Variants in CTNNA3 observed in about 807,000 individuals in gnomAD.
CTNNA3 encodes the protein catenin alpha 3, also known as catenin alpha-3.
A neutral mutation model predicts 95.7 loss-of-function variants in CTNNA3; 76 were observed. The observed-to-expected ratio is 0.79, with a 90% CI of 0.66 to 0.96. The LOEUF is 0.96. Among genes scored for constraint, CTNNA3 ranks in the 40% least tolerant of loss-of-function variants. The pLI is 0.00. For synonymous variants in CTNNA3, 431 were observed against 374.4 expected, an observed-to-expected ratio of 1.15 and a Z score of -1.74; for missense variants, 1,191 against 1,089.8, an observed-to-expected ratio of 1.09 and a Z score of -1.31.
chr10:65,971,379 G>GC (rs565520287), intron 16 of CTNNA3, among the ~76,000 whole-genome samples: 3 of 140,090 alleles, frequency 2.1e-5, no homozygotes, highest in African/African-American at 7.9e-5. Flanking sequence ...CCAAAGTTGT[G>GC]TTTTTTTTTT....
In CTNNA3 at chr10:66,448,733, C is replaced by T. The variant is rs989911821; in HGVS notation, c.1532-69381G>A. 9.2e-5 allele frequency among the ~76,000 whole-genome samples: 14 copies of T among 151,878 alleles called. No homozygotes were observed. In the East Asian group the frequency reaches 1.4e-3, roughly 15 times the overall value. ...AGGAGATATATCTGATGTTAAATGA[C>T]GAGTTAATGGGTGCAGCACACCAAC... On this transcript the variant is annotated intron_variant, in intron 11 of 17. Transcript: ENST00000433211.
intron 10 of CTNNA3, among the ~76,000 whole-genome samples, chr10:66,558,126 T>C (rs1842447147): frequency 6.6e-6 from 1 of 152,200 alleles, no homozygotes; most frequent in South Asian, 2.1e-4. Flanking sequence ...AACTGGGATA[T>C]GGATAAGCAC....
chr10:66,446,094 G>T (rs930320694), intron 11 of CTNNA3, among the ~76,000 whole-genome samples: 8 of 152,136 alleles, frequency 5.3e-5, no homozygotes, highest in African/African-American at 1.9e-4. Context: ...TAAATTCCTT[G>T]ACACATACAC....
chr10:67,593,521 T>A (rs1320510156), intron 3 of CTNNA3, among the ~76,000 whole-genome samples: 2 of 152,168 alleles, frequency 1.3e-5, no homozygotes, highest in African/African-American at 4.8e-5. Flanking sequence ...TTTGTGGCTA[T>A]TGTGAATGGA....
intron 7 of CTNNA3, among the ~76,000 whole-genome samples, chr10:66,831,118 T>G (rs1429708938): frequency 6.6e-6 from 1 of 152,190 alleles, no homozygotes. Flanking sequence ...CTCTTTCACC[T>G]GGACTACTAC....
chr10:67,097,886 C>T, intron 7 of CTNNA3: 2 of 1,097,020 alleles, frequency 1.8e-6, no homozygotes, highest in Non-Finnish European at 1.3e-6. Context: ...ACTCTAAAAA[C>T]AAAACAAAAC....
chr10:67,684,492 A>G (rs1297598603), intron 1 of CTNNA3, among the ~76,000 whole-genome samples: 1 of 152,170 alleles, frequency 6.6e-6, no homozygotes, highest in Non-Finnish European at 1.5e-5. Context: ...CCCAACCCAG[A>G]AGCCCAGCCG....
At chr10:66,234,829 G>GT (rs534712688) in intron 13 of CTNNA3, among the ~76,000 whole-genome samples, 183 of 152,230 alleles carry the variant, frequency 1.2e-3, no homozygotes, top group African/African-American at 4.1e-3. Context: ...AAAGTGAGAG[G>GT]TATTTCCGAG....
At chr10:66,860,898 G>A (rs1843894546) in intron 7 of CTNNA3, among the ~76,000 whole-genome samples, 1 of 152,112 alleles carries the variant, frequency 6.6e-6, no homozygotes, top group African/African-American at 2.4e-5. Flanking sequence ...ATTCAAGCTG[G>A]ATAAATGGCC....
intron 15 of CTNNA3, among the ~76,000 whole-genome samples, chr10:66,024,312 AT>A (rs1052919370): frequency 3.9e-5 from 6 of 151,948 alleles, no homozygotes; most frequent in African/African-American, 1.5e-4. Flanking sequence ...GATGGTCTCG[AT>A]CTCCTGACCT....
intron 5 of CTNNA3, among the ~76,000 whole-genome samples, chr10:67,270,086 T>C (rs1378577864): frequency 3.0e-5 from 4 of 135,488 alleles, no homozygotes; most frequent in African/African-American, 8.4e-5. Flanking sequence ...ACAAAATCCA[T>C]ACAAAGGAAG....
chr10:67,753,078 A>G (rs1296107082), intron 1 of CTNNA3, among the ~76,000 whole-genome samples: 1 of 152,198 alleles, frequency 6.6e-6, no homozygotes, highest in Admixed American at 6.5e-5. Context: ...ACTATACTGC[A>G]AGGCAATAGT....
intron 16 of CTNNA3, among the ~76,000 whole-genome samples, chr10:65,984,474 A>C (rs543778484): frequency 2.6e-5 from 4 of 151,468 alleles, no homozygotes; most frequent in African/African-American, 9.6e-5. Flanking sequence ...GGAAAAGGCC[A>C]AAAAGAGTCA....
At chr10:66,420,502 A>G (rs538796981) in intron 11 of CTNNA3, among the ~76,000 whole-genome samples, 1 of 151,640 alleles carries the variant, frequency 6.6e-6, no homozygotes, top group Non-Finnish European at 1.5e-5. Context: ...TACAACCACT[A>G]TTAAAAACAA....
rs545048380 is a variant in CTNNA3 at position 66,297,518 on chromosome 10, T to G, written c.1733-16897A>C. On this transcript the variant is annotated intron_variant, in intron 12 of 17. Coordinates refer to ENST00000433211, the MANE Select transcript of CTNNA3 (RefSeq NM_013266.4). ...AAGTACCCTGTCTTTTGCCCTCTCT[T>G]CTGAGAGAAACATTGCATTTTTCTG... 2.0e-3 allele frequency among the ~76,000 whole-genome samples: 303 copies of G among 152,282 alleles called. 2 individuals carry two copies. Among genetic ancestry groups the G allele is most frequent in the African/African-American group, 7.0e-3 (291 of 41,568 alleles).
intron 1 of CTNNA3, among the ~76,000 whole-genome samples, chr10:67,706,486 G>C (rs114729160): frequency 2.6e-5 from 4 of 152,108 alleles, no homozygotes; most frequent in Non-Finnish European, 5.9e-5. Context: ...GACTTGAAAA[G>C]TTAGGGGAAC....
intron 11 of CTNNA3, among the ~76,000 whole-genome samples, chr10:66,470,120 C>A (rs572811622): frequency 4.0e-5 from 6 of 151,720 alleles, no homozygotes; most frequent in African/African-American, 1.4e-4. Flanking sequence ...CCAGAGTAAG[C>A]TGGAAACATG....
chr10:66,452,810 G>A (rs1020191393), intron 11 of CTNNA3, among the ~76,000 whole-genome samples: 14 of 152,020 alleles, frequency 9.2e-5, no homozygotes, highest in African/African-American at 2.7e-4. Context: ...CGGCCCCCAG[G>A]AACTGACTCC....
At chr10:66,197,936 A>T (rs1178815011) in intron 13 of CTNNA3, among the ~76,000 whole-genome samples, 1 of 152,206 alleles carries the variant, frequency 6.6e-6, no homozygotes, top group Non-Finnish European at 1.5e-5. Context: ...AATATACAGG[A>T]AAATAACTCT....
Sources: gnomAD v4.1 joint callset for allele counts (sites outside exome capture counted in the v4.1 genomes callset) on GRCh38, gnomAD v4.1.1 for gene constraint, MANE v1.5 for transcripts, NCBI Gene and HGNC (gene_info 2026-07-23, HGNC 2026-07-21) for gene names.